The following DST variants were observed in gnomAD, a reference collection of about 807,000 sequenced individuals.
DST encodes the protein bullous pemphigoid antigen.
DST carries 253 observed loss-of-function variants against 875.2 expected under a neutral mutation model. The ratio of observed to expected loss-of-function variants is 0.29; its 90% confidence interval spans 0.26 to 0.32. DST has a LOEUF of 0.32. Among genes scored for constraint, DST ranks in the 10% least tolerant of loss-of-function variants. DST has a pLI of 1.00. For synonymous variants in DST, 3,124 were observed against 3,197.1 expected (o/e 0.98, Z 0.77); for missense variants, 8,287 against 9,111.6 (o/e 0.91, Z 3.68).
intron 2 of DST, among the ~76,000 whole-genome samples, chr6:56,925,211 C>CAT (rs1806396045): frequency 6.6e-6 from 1 of 152,180 alleles, no homozygotes; most frequent in African/African-American, 2.4e-5. Context: ...AACTGGCTAA[C>CAT]ATCACACTAG....
chr6:56,881,989 G>T (rs1347511949), intron 3 of DST, among the ~76,000 whole-genome samples: 1 of 152,186 alleles, frequency 6.6e-6, no homozygotes, highest in Non-Finnish European at 1.5e-5. Context: ...AAAGCTGAAT[G>T]AACACAGAAA....
At position 56,752,244 on chromosome 6, in the gene DST, A is replaced by AG. The variant is rs1405942127; in HGVS notation, c.626-16956dup. ...GTCTTAGTCCAATGGGAGACAGACTAGGAAGCCAGAATTTGCAAAACTGCA... is the reference window on the plus strand; with the variant it reads ...GTCTTAGTCCAATGGGAGACAGACTAGGGAAGCCAGAATTTGCAAAACTGCA... On this transcript the variant is annotated intron_variant, in intron 4 of 103. Coordinates refer to ENST00000680361, the MANE Select transcript of DST (RefSeq NM_001374736.1). Among the ~76,000 whole-genome samples, 9 of 152,308 alleles carry AG rather than the reference A, an allele frequency of 5.9e-5. No homozygotes were observed. The East Asian group carries it at 1.7e-3, about 29-fold the overall frequency.
intron 3 of DST, among the ~76,000 whole-genome samples, chr6:56,882,247 T>C (rs1409353235): frequency 1.3e-5 from 2 of 152,200 alleles, no homozygotes; most frequent in Non-Finnish European, 2.9e-5. Flanking sequence ...TGGCTGCAAA[T>C]TATGAAAATT....
chr6:56,625,555 A>G (rs941075518), intron 34 of DST, among the ~76,000 whole-genome samples: 5 of 152,086 alleles, frequency 3.3e-5, no homozygotes, highest in Non-Finnish European at 7.4e-5. Flanking sequence ...GGCACAATGC[A>G]TTACTCACGT....
chr6:56,582,743 C>G (rs887200720), intron 49 of DST, among the ~76,000 whole-genome samples: 3 of 152,032 alleles, frequency 2.0e-5, no homozygotes, highest in Non-Finnish European at 4.4e-5. Flanking sequence ...TATCTCTCCC[C>G]CCTACCCCCA....
chr6:56,488,598 A>G (rs1299391075), intron 86 of DST, among the ~76,000 whole-genome samples: 1 of 152,234 alleles, frequency 6.6e-6, no homozygotes, highest in East Asian at 1.9e-4. Flanking sequence ...CACTGATGGA[A>G]GCAGCCAACC....
At position 56,493,863 on chromosome 6, in the gene DST, C is replaced by G. The variant is rs961107319; in HGVS notation, c.20394+147G>C. 18 of 524,474 alleles carry G rather than the reference C, an allele frequency of 3.4e-5. No homozygotes were observed. The South Asian group carries it at 7.1e-4, about 21-fold the overall frequency. The allele number at this position is 524,474 out of a possible 1,614,324, so 32.5% of individuals were successfully genotyped here. On this transcript the variant is annotated intron_variant, in intron 83 of 103. Coordinates refer to ENST00000680361, the MANE Select transcript of DST (RefSeq NM_001374736.1). Reference sequence around the variant, plus strand: ...AAACAGAATATTATTTTCAACTACCCCATGAAATCTCCAAATATATACAAA... The same window carrying G: ...AAACAGAATATTATTTTCAACTACCGCATGAAATCTCCAAATATATACAAA...
At chr6:56,503,921 A>G in intron 78 of DST, 76 bp downstream of exon 78, 3 of 1,000,528 alleles carry the variant, frequency 3.0e-6, no homozygotes, top group Non-Finnish European at 4.4e-6. Context: ...GGTAAAATAA[A>G]TTTATGTACA....
intron 9 of DST, among the ~76,000 whole-genome samples, chr6:56,679,026 A>G (rs2099144297): frequency 6.6e-6 from 1 of 152,188 alleles, no homozygotes; most frequent in Admixed American, 6.5e-5. Context: ...TGAAACATAC[A>G]TGTTAATAAA....
At chr6:56,763,475 C>T (rs900511059) in intron 4 of DST, among the ~76,000 whole-genome samples, 1 of 151,754 alleles carries the variant, frequency 6.6e-6, no homozygotes, top group Admixed American at 6.6e-5. Context: ...AGTTCGAAAC[C>T]AGCCTGGCCA....
At chr6:56,558,017 A>G (rs549570354) in intron 58 of DST, among the ~76,000 whole-genome samples, 1 of 152,262 alleles carries the variant, frequency 6.6e-6, no homozygotes, top group Non-Finnish European at 1.5e-5. Flanking sequence ...ACTCAACATT[A>G]AAAAATAAAA....
chr6:56,480,100 T>C (rs1051193125), intron 90 of DST, among the ~76,000 whole-genome samples: 1 of 152,232 alleles, frequency 6.6e-6, no homozygotes, highest in Non-Finnish European at 1.5e-5. Context: ...CGGTAGTTGG[T>C]TCAAAAGAGT....
chr6:56,614,521 A>C, intron 36 of DST, 37 bp from the exon 37 acceptor site: 1 of 1,537,178 alleles, frequency 6.5e-7, no homozygotes. Flanking sequence ...TATACACTGC[A>C]TTAAATGACT....
Position 56,555,534 on chromosome 6 carries a change from T to C in DST, c.14947A>G (p.Met4983Val), listed in dbSNP as rs188156383. 64 of 1,614,036 alleles carry C rather than the reference T, an allele frequency of 4.0e-5. 1 individual carries two copies. In the Admixed American group the frequency reaches 6.8e-4, roughly 17 times the overall value. ...SLAVSTHPDA[M>V]NQQLETAQKM... ...TGGGCTGTTTCCAACTGTTGGTTCA[T>C]AGCATCAGGGTGCGTGCTCACAGCC... is the stretch of plus-strand genomic sequence containing the variant. The change falls in exon 60 of 104, where the codon ATG becomes GTG. Residue 4983 changes from methionine to valine, a missense_variant. Around this residue, in one of 10 missense-constraint regions of DST, gnomAD observed 1,513 missense variants for 1,677.8 expected, o/e 0.90. Transcript: ENST00000680361.
chr6:56,830,393 C>T (rs1259970717), intron 4 of DST, among the ~76,000 whole-genome samples: 3 of 152,044 alleles, frequency 2.0e-5, no homozygotes, highest in South Asian at 2.1e-4. Flanking sequence ...ATAAAATTAA[C>T]GTATATAGGT....
intron 3 of DST, among the ~76,000 whole-genome samples, chr6:56,892,789 C>G (rs1258678563): frequency 6.6e-6 from 1 of 152,168 alleles, no homozygotes; most frequent in Admixed American, 6.5e-5. Context: ...ATCATTCACT[C>G]AGTCAATAGT....
chr6:56,497,812 T>C, intron 81 of DST, 44 bp downstream of exon 81: 1 of 1,505,630 alleles, frequency 6.6e-7, no homozygotes, highest in Non-Finnish European at 8.9e-7. Flanking sequence ...GCTATTTTGG[T>C]CTTGAATGCT....
chr6:56,627,229 G>A lies in DST; in HGVS notation c.4697C>T (p.Ala1566Val). ...QSKMDECQKY[A>V]EQYSATVKDY... ...CTTCACTGTAGCTGAGTACTGTTCTGCATATTTTTGACACTCGTCCATTTT... is the reference window on the plus strand; with the variant it reads ...CTTCACTGTAGCTGAGTACTGTTCTACATATTTTTGACACTCGTCCATTTT... The change falls in exon 34 of 104, where the codon GCA becomes GTA. Residue 1566 changes from alanine to valine, a missense_variant. Ala to Val is a moderately conservative substitution (Grantham distance 64). Transcript: ENST00000680361. 19 of 1,612,092 alleles carry A rather than the reference G, an allele frequency of 1.2e-5. No individual in the cohort carries two copies. The highest frequency in any genetic ancestry group is 1.4e-5 in the Non-Finnish European group (17 of 1,178,838).
At chr6:56,743,644 T>A (rs1462441867) in intron 4 of DST, among the ~76,000 whole-genome samples, 6 of 152,130 alleles carry the variant, frequency 3.9e-5, no homozygotes, top group African/African-American at 9.6e-5. Flanking sequence ...CACACATATA[T>A]AACACACACA....
Sources: gnomAD v4.1 joint callset for allele counts (sites outside exome capture counted in the v4.1 genomes callset) on GRCh38, gnomAD v4.1.1 for gene constraint, gnomAD v4.1.1 regional missense constraint, MANE v1.5 for transcripts, NCBI Gene and HGNC (gene_info 2026-07-23, HGNC 2026-07-21) for gene names.